The following PITPNM2 variants were observed in gnomAD, a reference collection of about 807,000 sequenced individuals.
The protein encoded by PITPNM2 is membrane-associated phosphatidylinositol transfer protein 2.
In PITPNM2, 35 loss-of-function variants were observed where a neutral mutation model predicts 132.2. That is an observed-to-expected ratio of 0.26 (90% CI 0.20 to 0.35). PITPNM2 has a LOEUF of 0.35. Among genes scored for constraint, PITPNM2 ranks in the 10% least tolerant of loss-of-function variants. The pLI, the probability that PITPNM2 is intolerant of heterozygous loss-of-function variation, is 1.00. For synonymous variants in PITPNM2, 738 were observed against 799.2 expected (o/e 0.92, Z 1.29); for missense variants, 1,332 against 1,912.0 (o/e 0.70, Z 5.66).
intron 3 of PITPNM2, among the ~76,000 whole-genome samples, chr12:123,019,430 G>A (rs1330341031): frequency 6.6e-6 from 1 of 152,202 alleles, no homozygotes; most frequent in African/African-American, 2.4e-5. Flanking sequence ...GAATGAAACT[G>A]GGAAAGAAAA....
rs1382989575 is a variant in PITPNM2, at chr12:123,099,138, A to G, written c.-96+11247T>C. On this transcript the variant is annotated intron_variant, in intron 2 of 25. Transcript: ENST00000320201. The surrounding 1 kb of genome is among the most constrained non-coding windows in gnomAD (Gnocchi z 4.2). ...CCCAGGGGCTGAGTTCCCCTTCCTC[A>G]CTGGATCTCTGATTCAGTGGGCACA... 6.6e-6 allele frequency among the ~76,000 whole-genome samples: 1 copy of G among 151,854 alleles called. No homozygotes were observed. The highest frequency in any genetic ancestry group is 1.5e-5 in the Non-Finnish European group (1 of 67,948).
chr12:123,013,682 A>T (rs963856243), intron 4 of PITPNM2, 146 bp downstream of exon 4: 281 of 947,910 alleles, frequency 3.0e-4, no homozygotes, highest in Admixed American at 4.9e-4. Context: ...GGGCACCTGT[A>T]TGGAACAAAG....
At chr12:123,006,173 T>A (rs1414861258) in intron 6 of PITPNM2, 1 of 151,814 alleles carries the variant, frequency 6.6e-6, no homozygotes, top group Non-Finnish European at 1.5e-5. Context: ...ACAGGGGAGG[T>A]AGAATAGGAC....
At chr12:122,991,780 G>A (rs777390792) in intron 16 of PITPNM2, 35 of 1,298,122 alleles carry the variant, frequency 2.7e-5, no homozygotes, top group South Asian at 9.3e-5. Context: ...GGCGGGGCCC[G>A]TCTTGCCAGG....
chr12:123,142,647 T>A (rs960314888), intron 1 of PITPNM2, among the ~76,000 whole-genome samples: 1 of 152,176 alleles, frequency 6.6e-6, no homozygotes, highest in African/African-American at 2.4e-5. Context: ...GATGAACTAA[T>A]TGAAATATGC....
Position 123,003,595 on chromosome 12 carries a change from C to G in PITPNM2, c.1048+799G>C, listed in dbSNP as rs534993438. ...GGTTCCTTCCCTTGAGGGCAGCTGG[C>G]CAGTTAACCAAAATGCCACCTTATG... On this transcript the variant is annotated intron_variant, in intron 8 of 25. Coordinates refer to ENST00000320201, the MANE Select transcript of PITPNM2 (RefSeq NM_020845.3). Among the ~76,000 whole-genome samples, 26 of 152,342 alleles carry G rather than the reference C, an allele frequency of 1.7e-4. No homozygotes were observed. The South Asian group carries it at 5.4e-3, about 32-fold the overall frequency.
At position 123,037,457 on chromosome 12, in the gene PITPNM2, C is replaced by T. The variant is rs528595737; in HGVS notation, c.-95-2772G>A. Among the ~76,000 whole-genome samples, 11 of 152,330 alleles carry T rather than the reference C, an allele frequency of 7.2e-5. No homozygotes were observed. In the South Asian group the frequency reaches 1.0e-3, roughly 14 times the overall value. On this transcript the variant is annotated intron_variant, in intron 2 of 25. Coordinates refer to ENST00000320201, the MANE Select transcript of PITPNM2 (RefSeq NM_020845.3). ...GGTGTGAAGCAGTACACCTGTGTGA[C>T]GTGCAGCACCCACTCCGCCTCTGTG... is the stretch of plus-strand genomic sequence containing the variant.
chr12:123,141,404 A>C (rs750345359), intron 1 of PITPNM2, among the ~76,000 whole-genome samples: 1 of 152,202 alleles, frequency 6.6e-6, no homozygotes, highest in Non-Finnish European at 1.5e-5. Context: ...CTGCCTCTGC[A>C]AGAACAATCC....
At position 123,001,049 on chromosome 12, in the gene PITPNM2, C is replaced by T. The variant is rs1456875485; in HGVS notation, c.1153+5G>A. On this transcript the variant is annotated splice_donor_5th_base_variant and intron_variant, in intron 9 of 25. Coordinates refer to ENST00000320201, the MANE Select transcript of PITPNM2 (RefSeq NM_020845.3). ...AGGCTCTGCAGCACCCCCAGACCTG[C>T]TGACCTTGTGTGTCTTCCGGCTCTG... is the stretch of plus-strand genomic sequence containing the variant. The T allele has an allele frequency of 6.2e-7, 1 of 1,613,414 alleles. No homozygotes were observed. Among genetic ancestry groups the T allele is most frequent in the South Asian group, 1.1e-5 (1 of 91,084 alleles).
intron 1 of PITPNM2, among the ~76,000 whole-genome samples, chr12:123,121,886 G>A (rs918309662): frequency 1.3e-5 from 2 of 150,642 alleles, no homozygotes; most frequent in Non-Finnish European, 3.0e-5. Context: ...ACAGGGTTTC[G>A]CTCTGTCACC....
chr12:123,140,537 C>A (rs2043483340), intron 1 of PITPNM2, among the ~76,000 whole-genome samples: 1 of 152,112 alleles, frequency 6.6e-6, no homozygotes, highest in Non-Finnish European at 1.5e-5. Context: ...CAGGACAAGC[C>A]GCTAGGAACT....
intron 2 of PITPNM2, among the ~76,000 whole-genome samples, chr12:123,076,539 G>A (rs2041796459): frequency 6.6e-6 from 1 of 152,176 alleles, no homozygotes; most frequent in East Asian, 1.9e-4. Context: ...ATCCAATCAG[G>A]TGCTCATGAG....
At chr12:123,016,881 TAA>T in intron 3 of PITPNM2, among the ~76,000 whole-genome samples, 1 of 150,790 alleles carries the variant, frequency 6.6e-6, no homozygotes, top group Non-Finnish European at 1.5e-5. Context: ...CTGTCTCTAC[TAA>T]AAAAATACAA....
At position 123,001,146 on chromosome 12, in the gene PITPNM2, T is replaced by C; in HGVS notation, c.1061A>G (p.Asp354Gly). ...EFFDAHEDLS[D>G]TEEMFPKDIT... ...GTCCTTGGGGAACATTTCCTCTGTG[T>C]CGGACAGGTCCTCTGGAGAGGAGAG... The change falls in exon 9 of 26, where the codon GAC (aspartate) becomes GGC (glycine). Residue 354 changes from aspartate (D) to glycine (G), a missense_variant. Physicochemically the swap from Asp to Gly is moderately conservative, Grantham distance 94. Transcript: ENST00000320201. 1 of 1,613,894 alleles carries C rather than the reference T, an allele frequency of 6.2e-7. No individual in the cohort carries two copies. The highest frequency in any genetic ancestry group is 8.5e-7 in the Non-Finnish European group (1 of 1,179,816).
chr12:122,989,612 C>A (rs1388345677), intron 18 of PITPNM2, among the ~76,000 whole-genome samples, 175 bp downstream of exon 18: 1 of 152,176 alleles, frequency 6.6e-6, no homozygotes, highest in Non-Finnish European at 1.5e-5. Context: ...TGGTCCCCCA[C>A]CCCACCAGAC....
chr12:123,066,926 C>A (rs905112510), intron 2 of PITPNM2, among the ~76,000 whole-genome samples: 1 of 152,178 alleles, frequency 6.6e-6, no homozygotes, highest in African/African-American at 2.4e-5. Flanking sequence ...GCCACACTCC[C>A]CGGCCAGTGC....
Position 123,064,738 on chromosome 12 carries a change from C to T in PITPNM2, c.-95-30053G>A, listed in dbSNP as rs1485605833. Among the ~76,000 whole-genome samples, 1 of 152,164 alleles carries T rather than the reference C, an allele frequency of 6.6e-6. No individual in the cohort carries two copies. The highest frequency in any genetic ancestry group is 1.5e-5 in the Non-Finnish European group (1 of 68,024). ...GAAGGTTGTGGGGGTAAGCACATCA[C>T]CCTCACCCTGCAAAAAAAAGCTAGT... On this transcript the variant is annotated intron_variant, in intron 2 of 25. Coordinates refer to ENST00000320201, the MANE Select transcript of PITPNM2 (RefSeq NM_020845.3). This position sits in a 1 kb window ranked among gnomAD's most constrained non-coding sequence, Gnocchi z 4.0.
intron 2 of PITPNM2, among the ~76,000 whole-genome samples, chr12:123,054,884 T>C (rs1211744933): frequency 1.3e-5 from 2 of 151,988 alleles, no homozygotes; most frequent in Admixed American, 1.3e-4. Flanking sequence ...GACAACACAG[T>C]GAAAACCCAT....
intron 2 of PITPNM2, among the ~76,000 whole-genome samples, chr12:123,035,113 T>G: frequency 6.6e-6 from 1 of 152,222 alleles, no homozygotes; most frequent in Non-Finnish European, 1.5e-5. Flanking sequence ...ACATGAGACA[T>G]TCACAAGTCA....
Sources: gnomAD v4.1 joint callset for allele counts (sites outside exome capture counted in the v4.1 genomes callset) on GRCh38, gnomAD v4.1.1 for gene constraint, Gnocchi (gnomAD v3.1) non-coding constraint, MANE v1.5 for transcripts, NCBI Gene and HGNC (gene_info 2026-07-23, HGNC 2026-07-21) for gene names.